Variants in DSG1 observed in about 807,000 individuals in gnomAD.
DSG1 encodes the protein desmoglein 1, also known as desmoglein-1.
DSG1 carries 39 observed loss-of-function variants against 97.5 expected under a neutral mutation model. The observed-to-expected ratio is 0.40, with a 90% CI of 0.31 to 0.52. The LOEUF is 0.52. Ranked by LOEUF, DSG1 falls within the 20% of genes least tolerant of loss-of-function variation. The probability of loss-of-function intolerance (pLI) is 0.53; values close to 1 mark genes in which losing one functional copy is unlikely to be tolerated. For synonymous variants in DSG1, 475 were observed against 443.4 expected, an observed-to-expected ratio of 1.07 and a Z score of -0.90; for missense variants, 1,311 against 1,295.4, an observed-to-expected ratio of 1.01 and a Z score of -0.18.
Position 31,338,315 on chromosome 18 carries a change from G to A in DSG1, c.1266G>A (p.Arg422=), listed in dbSNP as rs989159105. The stretch of plus-strand genomic sequence containing the variant: ...TTGTATCATTTTCTTTCAAATACAG[G>A]TATGTAATGGGAAATAATCCAGCTG... ...LDTGRPSTTV[R]YVMGNNPADL... The change falls in exon 10 of 15, where the codon AGG becomes AGA. Residue 422 remains arginine (R), a splice_region_variant and synonymous_variant. Transcript: ENST00000257192. 26 of 1,613,226 alleles carry A rather than the reference G, an allele frequency of 1.6e-5. No individual in the cohort carries two copies. Among genetic ancestry groups the A allele is most frequent in the Middle Eastern group, 3.3e-4 (2 of 6,080 alleles).
rs1413217294 is a variant in DSG1 at position 31,328,255 on chromosome 18, C to T, written c.283C>T (p.Pro95Ser). 1 of 1,613,572 alleles carries T rather than the reference C, an allele frequency of 6.2e-7. No individual in the cohort carries two copies. The highest frequency in any genetic ancestry group is 1.7e-5 in the Admixed American group (1 of 59,986). Residue 95 changes from proline to serine, a missense_variant, in exon 4 of 15, where the codon CCA becomes TCA. This residue lies in a region of DSG1 where 259 missense variants were observed against 304.1 expected (regional missense o/e 0.85). Coordinates refer to ENST00000257192, the MANE Select transcript of DSG1 (RefSeq NM_001942.4). ...YRISGVGIDQ[P>S]PYGIFVINQK... ...CATCTCTGGAGTAGGAATTGATCAG[C>T]CACCATATGGGATCTTTGTCATTAA...
intron 1 of DSG1, among the ~76,000 whole-genome samples, chr18:31,323,037 T>C (rs1224446295): frequency 1.3e-5 from 2 of 152,192 alleles, no homozygotes; most frequent in Non-Finnish European, 2.9e-5. Flanking sequence ...TCAGGTGAAT[T>C]ATTTACTGTT....
chr18:31,355,269 C>A lies in DSG1; in HGVS notation c.3073C>A (p.Gln1025Lys). Reference sequence around the variant, plus strand: ...GAGTTCCTCTGACCATCACTTTAACCAAACCATTGGGTCCGCCTCCCCTAG... The same window carrying A: ...GAGTTCCTCTGACCATCACTTTAACAAAACCATTGGGTCCGCCTCCCCTAG... ...MRSSSDHHFN[Q>K]TIGSASPSTA... Residue 1025 changes from glutamine (Q) to lysine (K), a missense_variant, in exon 15 of 15, where the codon CAA (glutamine) becomes AAA (lysine). Gln to Lys is a moderately conservative substitution (Grantham distance 53). This residue lies in a region of DSG1 where 1,038 missense variants were observed against 964.6 expected (regional missense o/e 1.08). Transcript: ENST00000257192. 1 of 1,613,442 alleles carries A rather than the reference C, an allele frequency of 6.2e-7. No individual in the cohort carries two copies. Among genetic ancestry groups the A allele is most frequent in the East Asian group, 2.2e-5 (1 of 44,858 alleles).
At chr18:31,345,795 T>A (rs528193463) in intron 13 of DSG1, among the ~76,000 whole-genome samples, 195 bp from the exon 14 acceptor site, 1 of 152,326 alleles carries the variant, frequency 6.6e-6, no homozygotes, top group South Asian at 2.1e-4. Flanking sequence ...CAGATAATTA[T>A]CAAATTAACA....
intron 5 of DSG1, among the ~76,000 whole-genome samples, chr18:31,331,206 C>T (rs1382487787): frequency 6.6e-6 from 1 of 152,010 alleles, no homozygotes; most frequent in Admixed American, 6.6e-5. Flanking sequence ...ATTTATCAAA[C>T]GTGCATTATT....
chr18:31,339,089 T>C (rs1598705890), intron 10 of DSG1, among the ~76,000 whole-genome samples: 1 of 152,088 alleles, frequency 6.6e-6, no homozygotes, highest in East Asian at 1.9e-4. Context: ...TTCAATAATA[T>C]TAGGAAAAGT....
intron 8 of DSG1, among the ~76,000 whole-genome samples, chr18:31,334,580 T>G (rs559231633): frequency 6.6e-6 from 1 of 152,302 alleles, no homozygotes; most frequent in South Asian, 2.1e-4. Flanking sequence ...GTCAACATTG[T>G]AAGTCAATTA....
chr18:31,346,013 G>A lies in DSG1; in HGVS notation c.1915G>A (p.Gly639Ser). The change falls in exon 14 of 15, where the codon GGC (glycine) becomes AGC (serine). Residue 639 changes from glycine to serine, a missense_variant. By Grantham distance (56) the Gly-to-Ser change is moderately conservative (BLOSUM62 0). Around this residue, in one of 3 missense-constraint regions of DSG1, gnomAD observed 1,038 missense variants for 964.6 expected, o/e 1.08. Coordinates refer to ENST00000257192, the MANE Select transcript of DSG1 (RefSeq NM_001942.4). ...NSGVYTNEYGGREMQDLGGGE... is the reference protein window; with the variant it reads ...NSGVYTNEYGSREMQDLGGGE... ...AGGAGTTTATACAAATGAGTATGGT[G>A]GCAGAGAAATGCAAGATCTGGGAGG... 2 of 1,613,674 alleles carry A rather than the reference G, an allele frequency of 1.2e-6. No individual in the cohort carries two copies. The highest frequency in any genetic ancestry group is 8.5e-7 in the Non-Finnish European group (1 of 1,179,760).
rs17659208 is a variant in DSG1, at chr18:31,333,782, G to A, written c.819+59G>A. ...ATTCGCTATATTCTAAAACATATAC[G>A]AACAATTCTGCTTACAGAGGCACAT... On this transcript the variant is annotated intron_variant, in intron 7 of 14. Transcript: ENST00000257192. The A allele has an allele frequency of 8.5e-3, 13,390 of 1,582,362 alleles. 96 individuals are homozygous for A. The highest frequency in any genetic ancestry group is 0.011 in the Non-Finnish European group (12,230 of 1,152,368).
intron 5 of DSG1, among the ~76,000 whole-genome samples, chr18:31,331,149 C>T (rs1021899326): frequency 3.9e-5 from 6 of 152,024 alleles, no homozygotes; most frequent in Non-Finnish European, 5.9e-5. Flanking sequence ...TACTAATTAC[C>T]TTGCACTTGA....
In DSG1 at chr18:31,354,943, A is replaced by G. The variant is rs2071941296; in HGVS notation, c.2747A>G (p.Glu916Gly). ...TCTCTGACTATCCATCATCCTAGAG[A>G]GTCTTCAAATGTGGTAGTGACAGAA... ...PTSLTIHHPRESSNVVVTERV... is the reference protein window; with the variant it reads ...PTSLTIHHPRGSSNVVVTERV... The change falls in exon 15 of 15, where the codon GAG becomes GGG. Residue 916 changes from glutamate to glycine, a missense_variant. This residue lies in a region of DSG1 where 1,038 missense variants were observed against 964.6 expected (regional missense o/e 1.08). Coordinates refer to ENST00000257192, the MANE Select transcript of DSG1 (RefSeq NM_001942.4). The G allele has an allele frequency of 4.3e-6, 7 of 1,614,194 alleles. No homozygotes were observed. The highest frequency in any genetic ancestry group is 5.9e-6 in the Non-Finnish European group (7 of 1,180,038).
Position 31,354,843 on chromosome 18 carries a change from A to T in DSG1, c.2647A>T (p.Met883Leu), listed in dbSNP as rs768335354. The T allele has an allele frequency of 6.2e-7, 1 of 1,614,124 alleles. No individual in the cohort carries two copies. The highest frequency in any genetic ancestry group is 8.5e-7 in the Non-Finnish European group (1 of 1,180,022). ...SGADLHGMLE[M>L]PDLRDGSNVI... is the part of the protein sequence containing the mutation. ...CGCTGATTTGCATGGAATGTTAGAG[A>T]TGCCTGACTTGCGAGATGGGTCGAA... The change falls in exon 15 of 15, where the codon ATG (methionine) becomes TTG (leucine). Residue 883 changes from methionine to leucine, a missense_variant. Physicochemically the swap from Met to Leu is conservative, Grantham distance 15. This residue lies in a region of DSG1 where 1,038 missense variants were observed against 964.6 expected (regional missense o/e 1.08). Transcript: ENST00000257192.
Position 31,350,339 on chromosome 18 carries a change from GC to G in DSG1, c.2101-3957del, listed in dbSNP as rs1449179612. Among the ~76,000 whole-genome samples, 6 of 116,734 alleles carry G rather than the reference GC, an allele frequency of 5.1e-5. No homozygotes were observed. The East Asian group carries it at 1.6e-3, about 31-fold the overall frequency. 76.6% of individuals were successfully genotyped at this position (116,734 alleles called of 152,430 possible). A position where few individuals can be genotyped will look rare whatever the true frequency, so the allele number is the denominator to read the frequency against. ...AAGCCCACTTGATCATGGTGGATAA[GC>G]TTTTTGATGTGCTGCTGGATTCGTT... On this transcript the variant is annotated intron_variant, in intron 14 of 14. Transcript: ENST00000257192.
intron 12 of DSG1, 159 bp downstream of exon 12, chr18:31,343,742 G>A: frequency 1.6e-6 from 2 of 1,224,854 alleles, no homozygotes; most frequent in Non-Finnish European, 2.4e-6. Flanking sequence ...AACAAAATTA[G>A]ATGGAAGTAA....
chr18:31,351,859 G>A (rs1441779845), intron 14 of DSG1, among the ~76,000 whole-genome samples: 2 of 152,024 alleles, frequency 1.3e-5, no homozygotes, highest in Non-Finnish European at 2.9e-5. Context: ...GAGCCTATGT[G>A]TGTCTCTGCA....
chr18:31,355,772 G>T lies in DSG1; in HGVS notation c.*426G>T. 1 of 175,360 alleles carries T rather than the reference G, an allele frequency of 5.7e-6. No individual in the cohort carries two copies. Among genetic ancestry groups the T allele is most frequent in the Non-Finnish European group, 1.2e-5 (1 of 81,474 alleles). 10.9% of individuals were successfully genotyped at this position (175,360 alleles called of 1,614,324 possible). A position where few individuals can be genotyped will look rare whatever the true frequency, so the allele number is the denominator to read the frequency against. On this transcript the variant is annotated 3_prime_UTR_variant, in exon 15 of 15. Coordinates refer to ENST00000257192, the MANE Select transcript of DSG1 (RefSeq NM_001942.4). ...TAAAATGTGTGCCAGATGCCCTGTT[G>T]GTTTCACAGATAACATAAATAAAAA...
chr18:31,319,846 T>A (rs931726356), intron 1 of DSG1, among the ~76,000 whole-genome samples: 18 of 152,138 alleles, frequency 1.2e-4, no homozygotes, highest in Non-Finnish European at 2.2e-4. Flanking sequence ...ATAAAATGTA[T>A]CATCATCAAA....
At position 31,356,035 on chromosome 18, in the gene DSG1, C is replaced by A. The variant is rs1289088723; in HGVS notation, c.*689C>A. 1.1e-4 allele frequency: 17 copies of A among 152,582 alleles called. No homozygotes were observed. The highest frequency in any genetic ancestry group is 1.1e-3 in the Admixed American group (17 of 15,310). The allele number at this position is 152,582 out of a possible 1,614,324, so 9.5% of individuals were successfully genotyped here. A position where few individuals can be genotyped will look rare whatever the true frequency, so the allele number is the denominator to read the frequency against. The stretch of plus-strand genomic sequence containing the variant: ...TTAATGTGGGGCCTCAGTTAAATCT[C>A]CTGTGGAGTCAAGGATTCTTCTGAT... On this transcript the variant is annotated 3_prime_UTR_variant, in exon 15 of 15. Coordinates refer to ENST00000257192, the MANE Select transcript of DSG1 (RefSeq NM_001942.4).
At chr18:31,328,387 C>A (rs199753914) in intron 4 of DSG1, 43 bp downstream of exon 4, 2 of 1,580,112 alleles carry the variant, frequency 1.3e-6, no homozygotes, top group Non-Finnish European at 8.7e-7. Context: ...TGCTTAAATT[C>A]TTCTCAGAAG....
Sources: allele counts gnomAD v4.1 joint callset (sites outside exome capture counted in the v4.1 genomes callset), GRCh38; gene constraint gnomAD v4.1.1; regional missense constraint gnomAD v4.1.1; transcripts MANE v1.5; gene names NCBI Gene and HGNC (gene_info 2026-07-23, HGNC 2026-07-21).